The following CDH4 variants were observed in gnomAD, a reference collection of about 807,000 sequenced individuals.
CDH4 encodes the protein cadherin 4, also known as cadherin-4.
Under a neutral mutation model 86.0 loss-of-function variants are expected in CDH4, and 33 were observed. The ratio of observed to expected loss-of-function variants is 0.38; its 90% CI spans 0.29 to 0.51. The LOEUF is 0.51. Ranked by LOEUF, CDH4 falls within the 20% of genes least tolerant of loss-of-function variation. The pLI is 0.86. For synonymous variants in CDH4, 555 were observed against 549.4 expected (o/e 1.01, Z -0.14); for missense variants, 1,114 against 1,307.4 (o/e 0.85, Z 2.28).
chr20:61,459,022 A>G (rs1331289292), intron 2 of CDH4, among the ~76,000 whole-genome samples: 1 of 141,940 alleles, frequency 7.0e-6, no homozygotes, highest in Non-Finnish European at 1.5e-5. Flanking sequence ...GGCATTGTCT[A>G]TTCTGTCTGG....
At chr20:61,289,386 T>G (rs2084310107) in intron 2 of CDH4, among the ~76,000 whole-genome samples, 1 of 152,230 alleles carries the variant, frequency 6.6e-6, no homozygotes, top group Admixed American at 6.5e-5. Context: ...CTTCTAGCCC[T>G]GAAGCCCTCT....
chr20:61,711,294 C>A (rs11204443), intron 2 of CDH4, among the ~76,000 whole-genome samples: 1 of 152,096 alleles, frequency 6.6e-6, no homozygotes, highest in Non-Finnish European at 1.5e-5. Context: ...GAGGCCTCCC[C>A]AGCCATGCTG....
At chr20:61,628,182 A>T (rs115032112) in intron 2 of CDH4, among the ~76,000 whole-genome samples, 2,088 of 152,188 alleles carry the variant, frequency 0.014, 56 homozygotes, top group African/African-American at 0.048. Flanking sequence ...TCTCATTCAC[A>T]TGTGCGGTTT....
At chr20:61,664,648 G>C (rs1431098128) in intron 2 of CDH4, among the ~76,000 whole-genome samples, 1 of 152,244 alleles carries the variant, frequency 6.6e-6, no homozygotes, top group East Asian at 1.9e-4. Context: ...AGATGCTTGT[G>C]TTCAGAGATA....
chr20:61,648,539 T>C (rs1056953867), intron 2 of CDH4, among the ~76,000 whole-genome samples: 4 of 152,132 alleles, frequency 2.6e-5, no homozygotes, highest in Non-Finnish European at 2.9e-5. Context: ...GGGGTGGGGA[T>C]TTGGAAGTGA....
At chr20:61,918,474 C>T (rs960332928) in intron 9 of CDH4, among the ~76,000 whole-genome samples, 46 of 152,226 alleles carry the variant, frequency 3.0e-4, no homozygotes, top group Admixed American at 2.0e-3. Flanking sequence ...GCTGGGGAGG[C>T]GGAGGTACAG....
chr20:61,845,586 C>T (rs146975939), intron 5 of CDH4, among the ~76,000 whole-genome samples: 46 of 152,346 alleles, frequency 3.0e-4, no homozygotes, highest in Middle Eastern at 6.8e-3. Flanking sequence ...AGCCAAATCA[C>T]GAGGGTCACA....
intron 2 of CDH4, among the ~76,000 whole-genome samples, chr20:61,591,520 C>T (rs772988981): frequency 5.9e-5 from 9 of 152,132 alleles, no homozygotes; most frequent in Admixed American, 6.5e-5. Flanking sequence ...AAAAATCAGC[C>T]TCACTCAGGT....
At chr20:61,390,702 A>AGT (rs2084979906) in intron 2 of CDH4, among the ~76,000 whole-genome samples, 1 of 151,544 alleles carries the variant, frequency 6.6e-6, no homozygotes. Flanking sequence ...GGGTGCCCAT[A>AGT]GCACCGTGTC....
chr20:61,534,304 T>C (rs1447659132), intron 2 of CDH4, among the ~76,000 whole-genome samples: 12 of 152,162 alleles, frequency 7.9e-5, no homozygotes, highest in Non-Finnish European at 1.6e-4. Flanking sequence ...TCGCTTTGCA[T>C]TGGGGAGGGT....
intron 2 of CDH4, among the ~76,000 whole-genome samples, chr20:61,289,092 A>G (rs1317562287): frequency 6.6e-6 from 1 of 152,226 alleles, no homozygotes; most frequent in East Asian, 1.9e-4. Flanking sequence ...CTAAGGCCAA[A>G]CGTACCATTT....
chr20:61,708,558 C>T lies in CDH4; in HGVS notation c.170-35005C>T, dbSNP rs2087857376. On this transcript the variant is annotated intron_variant, in intron 2 of 15. Coordinates refer to ENST00000614565, the MANE Select transcript of CDH4 (RefSeq NM_001794.5). The surrounding 1 kb of genome is among the most constrained non-coding windows in gnomAD (Gnocchi z 4.5). ...GTAGCCGGTGGCTGCAGGCTCTTTG[C>T]CCCCCACTTCCCCAGCCCTGCTCCC... Among the ~76,000 whole-genome samples the T allele has an allele frequency of 2.0e-5, 3 of 152,056 alleles. No homozygotes were observed. The South Asian group carries it at 6.2e-4, about 32-fold the overall frequency.
chr20:61,425,170 G>A (rs2085204982), intron 2 of CDH4, among the ~76,000 whole-genome samples: 2 of 152,234 alleles, frequency 1.3e-5, no homozygotes, highest in Admixed American at 1.3e-4. Context: ...TGGGCCCCAT[G>A]GTGCAGAGCT....
chr20:61,920,953 G>C (rs1410559209), intron 9 of CDH4, among the ~76,000 whole-genome samples: 1 of 144,688 alleles, frequency 6.9e-6, no homozygotes, highest in Admixed American at 7.0e-5. Flanking sequence ...CACAGTAATT[G>C]CATGGAAGCA....
intron 2 of CDH4, among the ~76,000 whole-genome samples, chr20:61,448,826 T>G (rs948084099): frequency 7.2e-5 from 11 of 152,110 alleles, no homozygotes; most frequent in Non-Finnish European, 4.4e-5. Flanking sequence ...TATTCTTTCT[T>G]TTTTTAGGCC....
chr20:61,520,013 C>A (rs2085857182), intron 2 of CDH4, among the ~76,000 whole-genome samples: 2 of 152,210 alleles, frequency 1.3e-5, no homozygotes, highest in South Asian at 4.1e-4. Flanking sequence ...ACCCTGCTGA[C>A]ACACAGACTT....
At chr20:61,633,154 C>G (rs889558240) in intron 2 of CDH4, among the ~76,000 whole-genome samples, 9 of 149,856 alleles carry the variant, frequency 6.0e-5, no homozygotes, top group Non-Finnish European at 1.3e-4. Flanking sequence ...ATCCATCCAC[C>G]CATTCATCCA....
intron 2 of CDH4, among the ~76,000 whole-genome samples, chr20:61,653,564 G>GT (rs2087150249): frequency 7.0e-6 from 1 of 143,054 alleles, no homozygotes; most frequent in South Asian, 2.3e-4. Context: ...CCAGGCGGGG[G>GT]CTGACCCCCA....
At chr20:61,349,668 C>T (rs886863119) in intron 2 of CDH4, among the ~76,000 whole-genome samples, 1 of 152,140 alleles carries the variant, frequency 6.6e-6, no homozygotes, top group African/African-American at 2.4e-5. Flanking sequence ...CCCACAGCTC[C>T]CTTCCATGCC....
Sources: allele counts gnomAD v4.1 joint callset (sites outside exome capture counted in the v4.1 genomes callset), GRCh38; gene constraint gnomAD v4.1.1; non-coding constraint Gnocchi (gnomAD v3.1); transcripts MANE v1.5; gene names NCBI Gene and HGNC (gene_info 2026-07-23, HGNC 2026-07-21).